The following PRUNE2 variants were observed in gnomAD, a reference collection of about 807,000 sequenced individuals.
The protein encoded by PRUNE2 is prune homolog 2 with BCH domain.
In PRUNE2, 164 loss-of-function variants were observed where a neutral mutation model predicts 252.0. The observed-to-expected ratio is 0.65, with a 90% CI of 0.57 to 0.74. The LOEUF is 0.74. Among genes scored for constraint, PRUNE2 ranks in the 30% least tolerant of loss-of-function variants. The pLI is 0.00. For missense variants in PRUNE2, 3,495 were observed against 3,711.0 expected, an observed-to-expected ratio of 0.94 and a Z score of 1.51; for synonymous variants, 1,292 against 1,350.2, an observed-to-expected ratio of 0.96 and a Z score of 0.94.
At chr9:76,765,758 G>A (rs2052292869) in intron 6 of PRUNE2, among the ~76,000 whole-genome samples, 1 of 152,190 alleles carries the variant, frequency 6.6e-6, no homozygotes, top group Non-Finnish European at 1.5e-5. Context: ...TCACTGTTTA[G>A]CTTTCTGAAC....
chr9:76,789,908 G>C (rs1161496516), intron 6 of PRUNE2, among the ~76,000 whole-genome samples: 1 of 152,094 alleles, frequency 6.6e-6, no homozygotes, highest in African/African-American at 2.4e-5. Flanking sequence ...TCATGGCCCT[G>C]GTTCTAAGAA....
chr9:76,647,261 A>AGGAGCAAAGGCAATACAAT (rs1845301716), intron 11 of PRUNE2, among the ~76,000 whole-genome samples: 1 of 152,230 alleles, frequency 6.6e-6, no homozygotes, highest in Non-Finnish European at 1.5e-5. Context: ...ATCTTAGACA[A>AGGAGCAAAGGCAATACAAT]GGAGCAAAGG....
intron 6 of PRUNE2, among the ~76,000 whole-genome samples, chr9:76,742,609 C>G (rs907535380): frequency 5.3e-5 from 8 of 150,492 alleles, no homozygotes; most frequent in African/African-American, 2.0e-4. Flanking sequence ...TAAGGTGAAA[C>G]CTATCTCAAA....
At chr9:76,877,858 C>G (rs916054993) in intron 1 of PRUNE2, among the ~76,000 whole-genome samples, 1 of 152,188 alleles carries the variant, frequency 6.6e-6, no homozygotes, top group African/African-American at 2.4e-5. Context: ...GTTTAGTGGA[C>G]AGATTTGCTC....
In PRUNE2 at chr9:76,706,834, T is replaced by G. The variant is rs1005466915; in HGVS notation, c.5440A>C (p.Asn1814His). 6 of 1,597,362 alleles carry G rather than the reference T, an allele frequency of 3.8e-6. No individual in the cohort carries two copies. The African/African-American group carries it at 6.7e-5, about 18-fold the overall frequency. ...AAGCCCAGCATTTCCAGTTGAGAATTATCTTCGTTCTTTGGGAACGAAGCT... is the reference window on the plus strand; with the variant it reads ...AAGCCCAGCATTTCCAGTTGAGAATGATCTTCGTTCTTTGGGAACGAAGCT... Reference protein sequence around the residue: ...PKASFPKNEDNSQLEMLGFSA... With the variant: ...PKASFPKNEDHSQLEMLGFSA... Residue 1814 changes from asparagine (N) to histidine (H), a missense_variant, in exon 8 of 19, where the codon AAT becomes CAT. Asn to His is a moderately conservative substitution (Grantham distance 68). Coordinates refer to ENST00000376718, the MANE Select transcript of PRUNE2 (RefSeq NM_015225.3).
At chr9:76,691,605 C>G (rs973337108) in intron 9 of PRUNE2, among the ~76,000 whole-genome samples, 1 of 152,270 alleles carries the variant, frequency 6.6e-6, no homozygotes, top group African/African-American at 2.4e-5. Context: ...GATGCACTAG[C>G]TTCAATAGCA....
chr9:76,788,685 G>A (rs1359108862), intron 6 of PRUNE2, among the ~76,000 whole-genome samples: 2 of 152,204 alleles, frequency 1.3e-5, no homozygotes, highest in East Asian at 3.8e-4. Flanking sequence ...AAGACAACCT[G>A]AGTGGGGCCA....
At chr9:76,896,170 C>T (rs139504824) in intron 1 of PRUNE2, among the ~76,000 whole-genome samples, 6 of 152,326 alleles carry the variant, frequency 3.9e-5, no homozygotes, top group Non-Finnish European at 5.9e-5. Flanking sequence ...TGGCAGCCAC[C>T]TCCCTTTCCA....
At position 76,752,393 on chromosome 9, in the gene PRUNE2, G is replaced by A. The variant is rs115567063; in HGVS notation, c.757-38672C>T. Among the ~76,000 whole-genome samples the A allele has an allele frequency of 3.3e-3, 497 of 152,130 alleles. 5 individuals carry two copies. The highest frequency in any genetic ancestry group is 0.012 in the African/African-American group (480 of 41,464). Reference sequence around the variant, plus strand: ...ATTACAGGCGTGAGCCACCGCGCCCGGCAACTCACTCAATTCTTAAATGCC... The same window carrying A: ...ATTACAGGCGTGAGCCACCGCGCCCAGCAACTCACTCAATTCTTAAATGCC... On this transcript the variant is annotated intron_variant, in intron 6 of 18. Transcript: ENST00000376718.
At chr9:76,822,285 G>A (rs2058077546) in intron 6 of PRUNE2, among the ~76,000 whole-genome samples, 1 of 152,186 alleles carries the variant, frequency 6.6e-6, no homozygotes, top group Non-Finnish European at 1.5e-5. Flanking sequence ...ATGAGAACAT[G>A]CTCTGTAAAC....
At chr9:76,685,341 G>A (rs2043966334) in intron 9 of PRUNE2, among the ~76,000 whole-genome samples, 1 of 152,190 alleles carries the variant, frequency 6.6e-6, no homozygotes. Context: ...CGGTTTATGG[G>A]GTTGGGGGCC....
At chr9:76,824,127 C>T (rs2058205103) in intron 5 of PRUNE2, among the ~76,000 whole-genome samples, 4 of 152,124 alleles carry the variant, frequency 2.6e-5, no homozygotes, top group Admixed American at 1.3e-4. Flanking sequence ...AAGGAAGATC[C>T]ACTACAGTCT....
At chr9:76,662,911 T>C (rs2039383778) in intron 9 of PRUNE2, among the ~76,000 whole-genome samples, 1 of 152,160 alleles carries the variant, frequency 6.6e-6, no homozygotes, top group Non-Finnish European at 1.5e-5. Flanking sequence ...AAGGTTGCTG[T>C]CTCTAGAAAC....
rs182887295 is a variant in PRUNE2 at position 76,840,913 on chromosome 9, G to A, written c.508+5602C>T. On this transcript the variant is annotated intron_variant, in intron 4 of 18. Coordinates refer to ENST00000376718, the MANE Select transcript of PRUNE2 (RefSeq NM_015225.3). Reference sequence around the variant, plus strand: ...GGAGAATCGCTTGAACCCGAGAGGCGGAGGTTGCAGTGAGCCAAGATTGCG... The same window carrying A: ...GGAGAATCGCTTGAACCCGAGAGGCAGAGGTTGCAGTGAGCCAAGATTGCG... 8.2e-4 allele frequency among the ~76,000 whole-genome samples: 125 copies of A among 152,146 alleles called. 1 individual carries two copies. Among genetic ancestry groups the A allele is most frequent in the African/African-American group, 2.8e-3 (118 of 41,506 alleles).
chr9:76,871,432 G>C (rs2061191908), intron 1 of PRUNE2, among the ~76,000 whole-genome samples: 1 of 152,118 alleles, frequency 6.6e-6, no homozygotes, highest in South Asian at 2.1e-4. Context: ...TGGTATCCAG[G>C]GAGGGTCCTG....
intron 15 of PRUNE2, among the ~76,000 whole-genome samples, chr9:76,635,556 T>TG (rs907103874): frequency 6.6e-6 from 1 of 152,166 alleles, no homozygotes. Flanking sequence ...CATTAGCAAT[T>TG]GGAAGTGGGG....
intron 6 of PRUNE2, among the ~76,000 whole-genome samples, chr9:76,813,390 T>C (rs1459929574): frequency 1.3e-5 from 2 of 152,170 alleles, no homozygotes; most frequent in South Asian, 4.1e-4. Context: ...CAGAAAAGAA[T>C]TGCTGACCCC....
intron 6 of PRUNE2, among the ~76,000 whole-genome samples, chr9:76,813,026 C>A (rs1372676321): frequency 2.0e-5 from 3 of 152,162 alleles, no homozygotes; most frequent in Non-Finnish European, 4.4e-5. Flanking sequence ...TATCAATGTT[C>A]TTGGGGTCAT....
At chr9:76,615,031 AAAC>A in intron 18 of PRUNE2, 1 of 885,368 alleles carries the variant, frequency 1.1e-6, no homozygotes, top group Non-Finnish European at 1.4e-6. Flanking sequence ...AAGAAATGGT[AAAC>A]AACAAAACAA....
Sources: allele counts gnomAD v4.1 joint callset (sites outside exome capture counted in the v4.1 genomes callset), GRCh38; gene constraint gnomAD v4.1.1; transcripts MANE v1.5; gene names NCBI Gene and HGNC (gene_info 2026-07-23, HGNC 2026-07-21).